AGPS: variants seen among roughly 807,000 people sequenced by gnomAD.
AGPS encodes alkylglycerone phosphate synthase.
Under a neutral mutation model 90.7 loss-of-function variants are expected in AGPS, and 26 were observed. That is an observed-to-expected ratio of 0.29 (90% CI 0.21 to 0.40). The LOEUF (loss-of-function observed/expected upper bound fraction) is 0.40. Among genes scored for constraint, AGPS ranks in the 10% least tolerant of loss-of-function variants. The probability of loss-of-function intolerance (pLI) is 1.00; values close to 1 mark genes in which losing one functional copy is unlikely to be tolerated. For missense variants in AGPS, 540 were observed against 816.1 expected (o/e 0.66, Z 4.12); for synonymous variants, 294 against 285.3 (o/e 1.03, Z -0.31).
chr2:177,505,822 C>G (rs1024684551), intron 15 of AGPS, among the ~76,000 whole-genome samples: 4 of 151,834 alleles, frequency 2.6e-5, no homozygotes, highest in Non-Finnish European at 5.9e-5. Context: ...AGAATGGAGC[C>G]TTTCTCTGTT....
intron 14 of AGPS, among the ~76,000 whole-genome samples, chr2:177,503,515 C>T (rs1688621949): frequency 6.6e-6 from 1 of 152,028 alleles, no homozygotes; most frequent in African/African-American, 2.4e-5. Context: ...TGTTTAAAAA[C>T]CTTGAATTGA....
At position 177,422,002 on chromosome 2, in the gene AGPS, A is replaced by ATG. The variant is rs554938040; in HGVS notation, c.350+1657_350+1658dup. 5.9e-4 allele frequency among the ~76,000 whole-genome samples: 90 copies of ATG among 151,510 alleles called. 2 individuals are homozygous for ATG. The South Asian group carries it at 0.012, about 20-fold the overall frequency. ...GGTTTATATGAGAAGGTGTGTGTGT[A>ATG]TGTGTGTGTGTGTGAAATGAATGAC... On this transcript the variant is annotated intron_variant, in intron 2 of 19. Coordinates refer to ENST00000264167, the MANE Select transcript of AGPS (RefSeq NM_003659.4).
chr2:177,515,545 C>G (rs774007049), intron 17 of AGPS, among the ~76,000 whole-genome samples: 1 of 151,552 alleles, frequency 6.6e-6, no homozygotes, highest in Non-Finnish European at 1.5e-5. Flanking sequence ...ATGAAACTAT[C>G]GTGATAAACC....
At chr2:177,485,957 G>A (rs1393494098) in intron 11 of AGPS, among the ~76,000 whole-genome samples, 1 of 152,036 alleles carries the variant, frequency 6.6e-6, no homozygotes, top group Non-Finnish European at 1.5e-5. Flanking sequence ...ATATATCTTG[G>A]AACAAAATAA....
At chr2:177,436,706 G>A in intron 3 of AGPS, 58 bp from the exon 4 acceptor site, 1 of 1,559,234 alleles carries the variant, frequency 6.4e-7, no homozygotes, top group Non-Finnish European at 8.8e-7. Flanking sequence ...CTCTCTAACT[G>A]AAGTACCCAA....
rs149187953 is a variant in AGPS, at chr2:177,473,091, A to T, written c.1105+4567A>T. Among the ~76,000 whole-genome samples the T allele has an allele frequency of 4.6e-5, 7 of 152,258 alleles. No homozygotes were observed. In the East Asian group the frequency reaches 1.4e-3, roughly 29 times the overall value. ...CTCCTTTTATTTACTTTTCATACTTATAAGCTTATAGCAGCTGGAAGGCTA... is the reference window on the plus strand; with the variant it reads ...CTCCTTTTATTTACTTTTCATACTTTTAAGCTTATAGCAGCTGGAAGGCTA... On this transcript the variant is annotated intron_variant, in intron 10 of 19. Coordinates refer to ENST00000264167, the MANE Select transcript of AGPS (RefSeq NM_003659.4).
chr2:177,520,863 A>C (rs1222827687), intron 17 of AGPS, among the ~76,000 whole-genome samples: 1 of 152,354 alleles, frequency 6.6e-6, no homozygotes, highest in Non-Finnish European at 1.5e-5. Flanking sequence ...CATGCTGCTG[A>C]TAGTTCTCAT....
chr2:177,412,824 C>G (rs2084966), intron 1 of AGPS, among the ~76,000 whole-genome samples: 131,845 of 152,050 alleles, frequency 0.87, 57,375 homozygotes, highest in East Asian at 0.98. Flanking sequence ...GGTCATGGAA[C>G]AGAACCGTGG....
At chr2:177,409,359 C>G (rs796101476) in intron 1 of AGPS, among the ~76,000 whole-genome samples, 2 of 151,572 alleles carry the variant, frequency 1.3e-5, no homozygotes, top group South Asian at 2.1e-4. Context: ...TGTCCCTCCC[C>G]CTATGCTCTC....
intron 7 of AGPS, among the ~76,000 whole-genome samples, chr2:177,444,014 A>G (rs934293931): frequency 1.3e-5 from 2 of 151,868 alleles, no homozygotes; most frequent in Non-Finnish European, 2.9e-5. Flanking sequence ...TATATATATA[A>G]GGTACCATCA....
chr2:177,414,889 T>C (rs2105602851), intron 1 of AGPS, among the ~76,000 whole-genome samples: 1 of 125,606 alleles, frequency 8.0e-6, no homozygotes, highest in East Asian at 2.6e-4. Flanking sequence ...TGGGTGCCTA[T>C]GAAGGTTCGT....
In AGPS at chr2:177,392,777, C is replaced by G; in HGVS notation, c.-13C>G. ...CGCCCAGCGGTTCCGGGCGGCAGCA[C>G]AAGGCGGTAGCCATGGCGGAGGCGG... is the stretch of plus-strand genomic sequence containing the variant. On this transcript the variant is annotated 5_prime_UTR_variant, in exon 1 of 20. Coordinates refer to ENST00000264167, the MANE Select transcript of AGPS (RefSeq NM_003659.4). The G allele has an allele frequency of 6.8e-7, 1 of 1,469,368 alleles. No homozygotes were observed. Among genetic ancestry groups the G allele is most frequent in the Non-Finnish European group, 8.9e-7 (1 of 1,124,800 alleles). The allele number at this position is 1,469,368 out of a possible 1,614,324, so 91.0% of individuals were successfully genotyped here.
intron 10 of AGPS, among the ~76,000 whole-genome samples, chr2:177,474,388 G>T (rs971656424): frequency 1.3e-5 from 2 of 152,156 alleles, no homozygotes; most frequent in African/African-American, 4.8e-5. Context: ...AAAAAAAGGG[G>T]TTCTGCCAAC....
chr2:177,413,640 T>C (rs977848419), intron 1 of AGPS, among the ~76,000 whole-genome samples: 1 of 152,232 alleles, frequency 6.6e-6, no homozygotes, highest in African/African-American at 2.4e-5. Flanking sequence ...GTGAAGGATA[T>C]ATCCTTTTCT....
intron 8 of AGPS, among the ~76,000 whole-genome samples, chr2:177,455,883 T>G (rs1687096792): frequency 6.6e-6 from 1 of 152,152 alleles, no homozygotes; most frequent in Admixed American, 6.6e-5. Context: ...CAGCTTGTAG[T>G]CCGTAAATAT....
chr2:177,542,603 G>GA lies in AGPS; in HGVS notation c.*4415dup, dbSNP rs755291492. 6.6e-6 allele frequency: 1 copy of GA among 151,948 alleles called. No individual in the cohort carries two copies. Among genetic ancestry groups the GA allele is most frequent in the Non-Finnish European group, 1.5e-5 (1 of 67,928 alleles). The allele number at this position is 151,948 out of a possible 1,614,324, so 9.4% of individuals were successfully genotyped here. ...TCCAAATCTGAGTGAGAAAGAAAAG[G>GA]AAAAAAATCTGTTTCATGGTGGATT... On this transcript the variant is annotated 3_prime_UTR_variant, in exon 20 of 20. Transcript: ENST00000264167.
At chr2:177,436,195 G>T (rs1237026896) in intron 3 of AGPS, among the ~76,000 whole-genome samples, 2 of 118,976 alleles carry the variant, frequency 1.7e-5, no homozygotes, top group African/African-American at 6.4e-5. Context: ...GAGCTCTGTC[G>T]CTCTGGAGTG....
intron 17 of AGPS, among the ~76,000 whole-genome samples, chr2:177,515,716 A>AT (rs1689005838): frequency 6.6e-6 from 1 of 152,190 alleles, no homozygotes; most frequent in African/African-American, 2.4e-5. Flanking sequence ...TGAATTGGCC[A>AT]TATGTCATTT....
At chr2:177,481,937 C>T (rs1383921094) in intron 10 of AGPS, 122 bp from the exon 11 acceptor site, 6 of 828,140 alleles carry the variant, frequency 7.2e-6, no homozygotes, top group South Asian at 2.0e-5. Context: ...CCATTATTCC[C>T]CAGGTAGACT....
Sources: gnomAD v4.1 joint callset for allele counts (sites outside exome capture counted in the v4.1 genomes callset) on GRCh38, gnomAD v4.1.1 for gene constraint, MANE v1.5 for transcripts, NCBI Gene and HGNC (gene_info 2026-07-23, HGNC 2026-07-21) for gene names.